Variants in RBFOX1 observed in about 807,000 individuals in gnomAD.
RBFOX1 encodes RNA binding protein fox-1 homolog 1.
Under a neutral mutation model 57.7 loss-of-function variants are expected in RBFOX1, and 8 were observed. The ratio of observed to expected loss-of-function variants is 0.14; its 90% confidence interval spans 0.08 to 0.25. The LOEUF is 0.25. Among genes scored for constraint, RBFOX1 ranks in the 10% least tolerant of loss-of-function variants. RBFOX1 has a pLI of 1.00. For synonymous variants in RBFOX1, 326 were observed against 222.4 expected (o/e 1.47, Z -4.15); for missense variants, 611 against 548.5 (o/e 1.11, Z -1.14).
At chr16:7,272,422 G>T (rs968218815) in intron 4 of RBFOX1, among the ~76,000 whole-genome samples, 1 of 152,112 alleles carries the variant, frequency 6.6e-6, no homozygotes, top group Non-Finnish European at 1.5e-5. Context: ...TGACCTCAGT[G>T]ATCCACCTGC....
At chr16:5,270,122 CTG>C in intron 1 of RBFOX1, 1 of 264,918 alleles carries the variant, frequency 3.8e-6, no homozygotes, top group East Asian at 9.4e-5. Context: ...TGGTGAAACC[CTG>C]TCTCTACCAA....
intron 2 of RBFOX1, among the ~76,000 whole-genome samples, chr16:5,483,229 T>C (rs1353741327): frequency 3.3e-5 from 5 of 152,196 alleles, no homozygotes; most frequent in Non-Finnish European, 7.3e-5. Context: ...CACTTTTTCT[T>C]CTGCAGTTCT....
chr16:7,579,333 C>T (rs928612481), intron 5 of RBFOX1, among the ~76,000 whole-genome samples: 3 of 152,162 alleles, frequency 2.0e-5, no homozygotes, highest in Non-Finnish European at 2.9e-5. Context: ...AGATTCTGAA[C>T]AGCGTCGGTT....
intron 2 of RBFOX1, among the ~76,000 whole-genome samples, chr16:6,513,598 G>A (rs1264256559): frequency 1.3e-5 from 2 of 152,140 alleles, no homozygotes; most frequent in Non-Finnish European, 2.9e-5. Context: ...GCTGGGCAGG[G>A]TGGCACACGC....
intron 2 of RBFOX1, among the ~76,000 whole-genome samples, chr16:6,572,560 G>A (rs1246210107): frequency 6.6e-6 from 1 of 151,842 alleles, no homozygotes; most frequent in Non-Finnish European, 1.5e-5. Context: ...GTCTTCCCCA[G>A]ATGGACAGCT....
chr16:5,255,354 C>CCATCCCTCCA (rs1555468931), intron 1 of RBFOX1, among the ~76,000 whole-genome samples: 17 of 86,330 alleles, frequency 2.0e-4, no homozygotes, highest in African/African-American at 5.3e-4. Flanking sequence ...CCATCCATCC[C>CCATCCCTCCA]TCCATCCATC....
At chr16:6,418,653 AGCTGG>A (rs1287952375) in intron 2 of RBFOX1, among the ~76,000 whole-genome samples, 6 of 150,810 alleles carry the variant, frequency 4.0e-5, no homozygotes, top group Middle Eastern at 3.5e-3. Context: ...CCTTCTAAGT[AGCTGG>A]GCTACAGGTG....
At chr16:7,546,859 G>T (rs2084690331) in intron 5 of RBFOX1, among the ~76,000 whole-genome samples, 1 of 152,002 alleles carries the variant, frequency 6.6e-6, no homozygotes, top group South Asian at 2.1e-4. Context: ...ATTTCTTTCT[G>T]CAAATCTCTG....
intron 3 of RBFOX1, among the ~76,000 whole-genome samples, chr16:5,627,500 A>G (rs146724419): frequency 8.5e-5 from 13 of 152,278 alleles, no homozygotes; most frequent in Non-Finnish European, 1.8e-4. Context: ...GTACAAAGCA[A>G]TAGATTACAA....
intron 3 of RBFOX1, among the ~76,000 whole-genome samples, chr16:5,700,112 G>T (rs576721826): frequency 6.6e-6 from 1 of 152,192 alleles, no homozygotes; most frequent in Non-Finnish European, 1.5e-5. Flanking sequence ...GATTACAGGC[G>T]TGAGCCACCA....
chr16:5,764,422 A>G (rs762245966), intron 3 of RBFOX1, among the ~76,000 whole-genome samples: 75 of 152,310 alleles, frequency 4.9e-4, no homozygotes, highest in Non-Finnish European at 7.6e-4. Context: ...CCATGAGCCA[A>G]TTAAACCCCT....
chr16:6,773,000 A>ATGTGTGTGTG (rs1567182872), intron 3 of RBFOX1, among the ~76,000 whole-genome samples: 4 of 84,430 alleles, frequency 4.7e-5, no homozygotes, highest in East Asian at 4.9e-4. Flanking sequence ...TGTGGGGTGC[A>ATGTGTGTGTG]TATGTGTGTG....
At position 6,395,313 on chromosome 16, in the gene RBFOX1, A is replaced by T. The variant is rs2092779518; in HGVS notation, c.-64+78256A>T. Among the ~76,000 whole-genome samples, 2 of 152,328 alleles carry T rather than the reference A, an allele frequency of 1.3e-5. 1 individual carries two copies. Among genetic ancestry groups the T allele is most frequent in the South Asian group, 4.1e-4 (2 of 4,826 alleles). On this transcript the variant is annotated intron_variant, in intron 2 of 15. Transcript: ENST00000550418. The stretch of plus-strand genomic sequence containing the variant: ...AAGTCAGATTTCAAAATTGGCTCAA[A>T]GTCTCCTGAGTCAAATGAAAACTCT...
chr16:6,889,112 C>T (rs1261017330), intron 3 of RBFOX1, among the ~76,000 whole-genome samples: 1 of 152,120 alleles, frequency 6.6e-6, no homozygotes, highest in Non-Finnish European at 1.5e-5. Flanking sequence ...ACAAGAATTC[C>T]AAAAAACCTG....
At chr16:7,056,085 C>T (rs1285101290) in intron 4 of RBFOX1, among the ~76,000 whole-genome samples, 1 of 152,028 alleles carries the variant, frequency 6.6e-6, no homozygotes, top group Non-Finnish European at 1.5e-5. Flanking sequence ...GGTCATATCC[C>T]CTCAGCATTA....
chr16:7,281,878 C>T (rs960204418), intron 4 of RBFOX1, among the ~76,000 whole-genome samples: 1 of 151,758 alleles, frequency 6.6e-6, no homozygotes, highest in Admixed American at 6.6e-5. Context: ...TTTTCTTTTC[C>T]TAGAAAAGGT....
At chr16:5,568,514 G>C (rs1422989723) in intron 2 of RBFOX1, among the ~76,000 whole-genome samples, 1 of 152,164 alleles carries the variant, frequency 6.6e-6, no homozygotes, top group African/African-American at 2.4e-5. Flanking sequence ...GCAGCGTAAA[G>C]GTCACCAAGA....
intron 2 of RBFOX1, among the ~76,000 whole-genome samples, chr16:5,504,412 G>A (rs2043306721): frequency 6.6e-6 from 1 of 152,218 alleles, no homozygotes; most frequent in Non-Finnish European, 1.5e-5. Flanking sequence ...TTTGTCTTCA[G>A]GCCATTGAGA....
At chr16:7,508,794 G>C (rs192703861) in intron 4 of RBFOX1, among the ~76,000 whole-genome samples, 11 of 152,216 alleles carry the variant, frequency 7.2e-5, no homozygotes, top group Admixed American at 7.2e-4. Flanking sequence ...CTCCTCCTCT[G>C]TTATACAATT....
Sources: gnomAD v4.1 joint callset for allele counts (sites outside exome capture counted in the v4.1 genomes callset) on GRCh38, gnomAD v4.1.1 for gene constraint, MANE v1.5 for transcripts, NCBI Gene and HGNC (gene_info 2026-07-23, HGNC 2026-07-21) for gene names.